Variants in PTPN21 observed in about 807,000 individuals in gnomAD.
PTPN21 encodes tyrosine-protein phosphatase non-receptor type 21.
PTPN21 carries 77 observed loss-of-function variants against 131.8 expected under a neutral mutation model. The ratio of observed to expected loss-of-function variants is 0.58; its 90% CI spans 0.49 to 0.71. The LOEUF (loss-of-function observed/expected upper bound fraction) is 0.71, where lower values mean the gene tolerates loss of function less well. Ranked by LOEUF, PTPN21 falls within the 30% of genes least tolerant of loss-of-function variation. The pLI is 0.00. For synonymous variants in PTPN21, 715 were observed against 621.3 expected (o/e 1.15, Z -2.24); for missense variants, 1,552 against 1,527.1 (o/e 1.02, Z -0.27).
At chr14:88,531,886 T>C (rs2078559674) in intron 2 of PTPN21, among the ~76,000 whole-genome samples, 1 of 151,740 alleles carries the variant, frequency 6.6e-6, no homozygotes, top group African/African-American at 2.4e-5. Context: ...AAAGAGAATA[T>C]CTAAATAAGC....
Position 88,478,902 on chromosome 14 carries a change from G to A in PTPN21, c.2511+18C>T. 6.9e-7 allele frequency: 1 copy of A among 1,451,450 alleles called. No individual in the cohort carries two copies. 89.9% of individuals were successfully genotyped at this position (1,451,450 alleles called of 1,614,324 possible). ...ACGCGCGGTCCCCTGGCCCGGCACT[G>A]CTCGCCGCGTGGCTTACCCCTAGAG... is the stretch of plus-strand genomic sequence containing the variant. On this transcript the variant is annotated intron_variant, in intron 13 of 18. Transcript: ENST00000556564.
chr14:88,467,054 G>T lies in PTPN21; in HGVS notation c.*1083C>A, dbSNP rs534688837. 1 of 152,092 alleles carries T rather than the reference G, an allele frequency of 6.6e-6. No homozygotes were observed. Among genetic ancestry groups the T allele is most frequent in the African/African-American group, 2.4e-5 (1 of 41,398 alleles). The allele number at this position is 152,092 out of a possible 1,614,324, so 9.4% of individuals were successfully genotyped here. A position where few individuals can be genotyped will look rare whatever the true frequency, so the allele number is the denominator to read the frequency against. ...GAATTCCCTGGGGACAGTGCTGTGGGGTCCCCTGCTCGCCATCCCAGCACC... is the reference window on the plus strand; with the variant it reads ...GAATTCCCTGGGGACAGTGCTGTGGTGTCCCCTGCTCGCCATCCCAGCACC... On this transcript the variant is annotated 3_prime_UTR_variant, in exon 19 of 19. Coordinates refer to ENST00000556564, the MANE Select transcript of PTPN21 (RefSeq NM_007039.4).
In PTPN21 at chr14:88,473,769, T is replaced by G; in HGVS notation, c.2545A>C (p.Ile849Leu). The change falls in exon 14 of 19, where the codon ATT becomes CTT. Residue 849 changes from isoleucine to leucine, a missense_variant. Physicochemically the swap from Ile to Leu is conservative, Grantham distance 5. Coordinates refer to ENST00000556564, the MANE Select transcript of PTPN21 (RefSeq NM_007039.4). ...AGGGCAGCCAGTTTAAGAGGACCAA[T>G]TTTTTTTGCATCTACTCGAGTCTTT... ...MKKTRVDAKK[I>L]GPLKLAALNG... 1.3e-6 allele frequency: 2 copies of G among 1,594,500 alleles called. No homozygotes were observed. Among genetic ancestry groups the G allele is most frequent in the Non-Finnish European group, 1.7e-6 (2 of 1,170,582 alleles).
chr14:88,508,646 A>C (rs1473569618), intron 3 of PTPN21, among the ~76,000 whole-genome samples: 1 of 152,204 alleles, frequency 6.6e-6, no homozygotes, highest in Non-Finnish European at 1.5e-5. Flanking sequence ...ATGGAAAGCC[A>C]GTGGCTAATC....
At position 88,479,270 on chromosome 14, in the gene PTPN21, C is replaced by T. The variant is rs1232926010; in HGVS notation, c.2161G>A (p.Glu721Lys). 1 of 1,612,750 alleles carries T rather than the reference C, an allele frequency of 6.2e-7. No individual in the cohort carries two copies. Among genetic ancestry groups the T allele is most frequent in the Non-Finnish European group, 8.5e-7 (1 of 1,179,352 alleles). Residue 721 changes from glutamate (E) to lysine (K), a missense_variant, in exon 13 of 19, where the codon GAG becomes AAG. By Grantham distance (56) the Glu-to-Lys change is moderately conservative (BLOSUM62 1). This residue lies in a region of PTPN21 where 1,016 missense variants were observed against 883.5 expected (regional missense o/e 1.15). Coordinates refer to ENST00000556564, the MANE Select transcript of PTPN21 (RefSeq NM_007039.4). Reference protein sequence around the residue: ...SEEEEDEDFEEESGARAPPAR... With the variant: ...SEEEEDEDFEKESGARAPPAR... ...GGAGGCGCCCGGGCCCCGCTCTCCT[C>T]CTCGAAGTCCTCGTCCTCCTCCTCC...
At chr14:88,537,277 T>C (rs183814011) in intron 2 of PTPN21, among the ~76,000 whole-genome samples, 1 of 152,160 alleles carries the variant, frequency 6.6e-6, no homozygotes, top group Non-Finnish European at 1.5e-5. Context: ...AGTCAAATGA[T>C]AAGACAATTT....
At chr14:88,482,894 G>A (rs2077673152) in intron 12 of PTPN21, among the ~76,000 whole-genome samples, 1 of 151,496 alleles carries the variant, frequency 6.6e-6, no homozygotes, top group South Asian at 2.1e-4. Flanking sequence ...GCAAGCAGAA[G>A]CAGCACACAG....
rs148972984 is a variant in PTPN21 at position 88,469,304 on chromosome 14, G to A, written c.3235+195C>T. Among the ~76,000 whole-genome samples, 44 of 152,142 alleles carry A rather than the reference G, an allele frequency of 2.9e-4. No individual in the cohort carries two copies. The highest frequency in any genetic ancestry group is 5.3e-4 in the Non-Finnish European group (36 of 68,010). ...ATGACGGAGATACTGAGTCAGCTGT[G>A]GCATTCTACTCACTACCAAATCATA... On this transcript the variant is annotated intron_variant, in intron 17 of 18. Transcript: ENST00000556564. This position sits in a 1 kb window ranked among gnomAD's most constrained non-coding sequence, Gnocchi z 4.3.
chr14:88,521,006 C>CTA lies in PTPN21; in HGVS notation c.181-3747_181-3746dup, dbSNP rs1222230866. Among the ~76,000 whole-genome samples the CTA allele has an allele frequency of 2.6e-5, 4 of 151,622 alleles. 1 individual carries two copies. Among genetic ancestry groups the CTA allele is most frequent in the East Asian group, 1.9e-4 (1 of 5,170 alleles). On this transcript the variant is annotated intron_variant, in intron 2 of 18. Coordinates refer to ENST00000556564, the MANE Select transcript of PTPN21 (RefSeq NM_007039.4). ...AACAGGTGCATGCCACCACACCAGG[C>CTA]TATATATATATATTTTTTTTGGTCA...
chr14:88,492,507 G>C (rs1241217013), intron 10 of PTPN21, among the ~76,000 whole-genome samples: 5 of 152,166 alleles, frequency 3.3e-5, no homozygotes, highest in African/African-American at 1.2e-4. Flanking sequence ...CCAGCGATGG[G>C]GACTCGGATG....
intron 3 of PTPN21, among the ~76,000 whole-genome samples, chr14:88,510,882 A>G (rs1378372266): frequency 1.3e-5 from 2 of 151,990 alleles, no homozygotes; most frequent in Admixed American, 6.6e-5. Context: ...AGGATGGATG[A>G]ATGGATGGAT....
chr14:88,513,216 G>A (rs996610852), intron 3 of PTPN21, among the ~76,000 whole-genome samples: 1 of 152,188 alleles, frequency 6.6e-6, no homozygotes. Flanking sequence ...CCAGGCTGGA[G>A]TGCAGTAGCG....
chr14:88,517,099 T>C lies in PTPN21; in HGVS notation c.343A>G (p.Ile115Val). Residue 115 changes from isoleucine to valine, a missense_variant, in exon 3 of 19, where the codon ATT becomes GTT. Transcript: ENST00000556564. ...VPSVSQLQQE[I>V]TRYQYYLQLK... ...CGGCATGTAATTTCTCACCTGGTAA[T>C]CTCCTGCTGCAGCTGAGAAACTGAA... 6.2e-7 allele frequency: 1 copy of C among 1,613,554 alleles called. No individual in the cohort carries two copies. Among genetic ancestry groups the C allele is most frequent in the Non-Finnish European group, 8.5e-7 (1 of 1,179,640 alleles).
At chr14:88,474,921 G>A (rs1162037708) in intron 13 of PTPN21, among the ~76,000 whole-genome samples, 3 of 152,034 alleles carry the variant, frequency 2.0e-5, no homozygotes, top group Non-Finnish European at 2.9e-5. Flanking sequence ...GTGAAACCCC[G>A]TCTCTACTAA....
At chr14:88,542,273 G>A (rs1177745621) in intron 2 of PTPN21, among the ~76,000 whole-genome samples, 1 of 152,188 alleles carries the variant, frequency 6.6e-6, no homozygotes, top group African/African-American at 2.4e-5. Flanking sequence ...ACAGCAGAAA[G>A]TCAAAGCTTC....
At chr14:88,530,109 T>C (rs545089705) in intron 2 of PTPN21, among the ~76,000 whole-genome samples, 57 of 152,208 alleles carry the variant, frequency 3.7e-4, no homozygotes, top group African/African-American at 1.2e-3. Context: ...CCAGAAGGCA[T>C]TGGGGTCCTA....
At chr14:88,487,926 A>G (rs2077761346) in intron 10 of PTPN21, among the ~76,000 whole-genome samples, 1 of 147,572 alleles carries the variant, frequency 6.8e-6, no homozygotes, top group African/African-American at 2.5e-5. Context: ...AGATCACGCC[A>G]CTGCACTCCA....
chr14:88,546,236 G>A (rs2078777627), intron 2 of PTPN21, among the ~76,000 whole-genome samples: 1 of 151,736 alleles, frequency 6.6e-6, no homozygotes, highest in Non-Finnish European at 1.5e-5. Flanking sequence ...CCTGGGTATA[G>A]TGTTATACTA....
Position 88,479,394 on chromosome 14 carries a change from G to A in PTPN21, c.2037C>T (p.Thr679=), listed in dbSNP as rs776881264. The A allele has an allele frequency of 6.2e-7, 1 of 1,605,114 alleles. No individual in the cohort carries two copies. The highest frequency in any genetic ancestry group is 8.5e-7 in the Non-Finnish European group (1 of 1,179,140). ...VSVGSQPSVF[T]ERTQREGPEE... ...CCGGCCCTTCTCGCTGTGTCCTCTCGGTGAAAACGCTGGGCTGGGAGCCCA... is the reference window on the plus strand; with the variant it reads ...CCGGCCCTTCTCGCTGTGTCCTCTCAGTGAAAACGCTGGGCTGGGAGCCCA... The change falls in exon 13 of 19, where the codon ACC becomes ACT. Residue 679 remains threonine, a synonymous_variant. Transcript: ENST00000556564.
Sources: gnomAD v4.1 joint callset for allele counts (sites outside exome capture counted in the v4.1 genomes callset) on GRCh38, gnomAD v4.1.1 for gene constraint, gnomAD v4.1.1 regional missense constraint, Gnocchi (gnomAD v3.1) non-coding constraint, MANE v1.5 for transcripts, NCBI Gene and HGNC (gene_info 2026-07-23, HGNC 2026-07-21) for gene names.